Variants in LYPLAL1 observed in about 807,000 individuals in gnomAD.
The protein encoded by LYPLAL1 is lysophospholipase like 1, also known as lysophospholipase-like protein 1.
A neutral mutation model predicts 19.7 loss-of-function variants in LYPLAL1; 23 were observed. That is an observed-to-expected ratio of 1.17 (90% CI 0.84 to 1.65). The LOEUF is 1.65. Among genes scored for constraint, LYPLAL1 ranks in the 40% most tolerant of loss-of-function variants. The probability of loss-of-function intolerance (pLI) is 0.00; values close to 1 mark genes in which losing one functional copy is unlikely to be tolerated. For missense variants in LYPLAL1, 355 were observed against 279.4 expected, an observed-to-expected ratio of 1.27 and a Z score of -1.93; for synonymous variants, 119 against 96.3, an observed-to-expected ratio of 1.24 and a Z score of -1.38.
At chr1:219,241,141 T>TAC in the LYPLAL1 span, among the ~76,000 whole-genome samples, 36 of 122,724 alleles carry the variant, frequency 2.9e-4, no homozygotes, top group Admixed American at 5.9e-4. Context: ...TCTCTATATA[T>TAC]ATATATATAT....
At chr1:219,253,338 GTTC>G in the LYPLAL1 span, among the ~76,000 whole-genome samples, 1 of 151,174 alleles carries the variant, frequency 6.6e-6, no homozygotes, top group African/African-American at 2.4e-5. Flanking sequence ...GGGTTGATTT[GTTC>G]TTCTCTAATT....
chr1:219,284,473 T>C, the LYPLAL1 span, among the ~76,000 whole-genome samples: 2 of 152,146 alleles, frequency 1.3e-5, no homozygotes, highest in African/African-American at 2.4e-5. Flanking sequence ...TGTATCAAAA[T>C]ATTTCATGTA....
intron 3 of LYPLAL1, among the ~76,000 whole-genome samples, chr1:219,195,098 C>T (rs1452136780): frequency 1.3e-5 from 2 of 152,008 alleles, no homozygotes; most frequent in Non-Finnish European, 2.9e-5. Flanking sequence ...ATTTTTGCTA[C>T]CTAATCTGTA....
the LYPLAL1 span, among the ~76,000 whole-genome samples, chr1:219,276,508 T>C: frequency 6.6e-6 from 1 of 152,240 alleles, no homozygotes; most frequent in Non-Finnish European, 1.5e-5. Context: ...AGAGGGTAAA[T>C]TGAGCAAAAA....
At chr1:219,311,734 T>G in the LYPLAL1 span, among the ~76,000 whole-genome samples, 1 of 152,128 alleles carries the variant, frequency 6.6e-6, no homozygotes, top group African/African-American at 2.4e-5. Flanking sequence ...ATATTAATGG[T>G]GAGAATTTGA....
chr1:219,402,090 A>G, the LYPLAL1 span, among the ~76,000 whole-genome samples: 2 of 152,226 alleles, frequency 1.3e-5, no homozygotes, highest in Admixed American at 1.3e-4. Context: ...AAAAGCTGGC[A>G]ATAAAAAGCT....
At chr1:219,305,188 G>A in the LYPLAL1 span, among the ~76,000 whole-genome samples, 2 of 152,128 alleles carry the variant, frequency 1.3e-5, no homozygotes, top group African/African-American at 4.8e-5. Flanking sequence ...AAAGGTACAA[G>A]CCTTATAAGG....
rs567450154 is a variant in LYPLAL1 at position 219,178,604 on chromosome 1, A to G, written c.92-543A>G. Among the ~76,000 whole-genome samples, 396 of 152,264 alleles carry G rather than the reference A, an allele frequency of 2.6e-3. 1 individual carries two copies. The highest frequency in any genetic ancestry group is 4.7e-3 in the Non-Finnish European group (322 of 68,026). On this transcript the variant is annotated intron_variant, in intron 1 of 4. Transcript: ENST00000366928. The stretch of plus-strand genomic sequence containing the variant: ...ATTACTTACCAGCTTTGGAGTAGAT[A>G]ATTCTTCTTTTAGGTCATGTAAACA...
At chr1:219,404,807 G>A in the LYPLAL1 span, among the ~76,000 whole-genome samples, 1 of 152,212 alleles carries the variant, frequency 6.6e-6, no homozygotes, top group Non-Finnish European at 1.5e-5. Context: ...CATGATAAGG[G>A]TTTGAGGTGA....
the LYPLAL1 span, among the ~76,000 whole-genome samples, chr1:219,283,185 C>T: frequency 6.6e-6 from 1 of 152,104 alleles, no homozygotes; most frequent in African/African-American, 2.4e-5. Context: ...ATATTTGGTG[C>T]TCTTATCCGG....
chr1:219,324,116 T>C, the LYPLAL1 span, among the ~76,000 whole-genome samples: 1 of 152,230 alleles, frequency 6.6e-6, no homozygotes, highest in Non-Finnish European at 1.5e-5. Flanking sequence ...TGTGCATTTA[T>C]TCTTTACCCT....
At chr1:219,437,982 G>T in the LYPLAL1 span, among the ~76,000 whole-genome samples, 2 of 151,968 alleles carry the variant, frequency 1.3e-5, no homozygotes, top group African/African-American at 2.4e-5. Context: ...GGCTAGGCTG[G>T]TCTCGAACTC....
At chr1:219,341,687 T>C in the LYPLAL1 span, among the ~76,000 whole-genome samples, 1 of 152,068 alleles carries the variant, frequency 6.6e-6, no homozygotes, top group Non-Finnish European at 1.5e-5. Context: ...ACACTTATCA[T>C]TTTTTTCTAG....
chr1:219,239,598 T>C, the LYPLAL1 span, among the ~76,000 whole-genome samples: 4 of 152,236 alleles, frequency 2.6e-5, no homozygotes, highest in Non-Finnish European at 5.9e-5. Context: ...CATATAATAG[T>C]TTAAACATAA....
At chr1:219,348,713 A>C in the LYPLAL1 span, among the ~76,000 whole-genome samples, 2 of 152,320 alleles carry the variant, frequency 1.3e-5, no homozygotes, top group Admixed American at 6.5e-5. Flanking sequence ...GAGAGTGTGC[A>C]TGAAGCTGTA....
At chr1:219,204,515 GT>G (rs1658384565) in intron 3 of LYPLAL1, among the ~76,000 whole-genome samples, 1 of 152,120 alleles carries the variant, frequency 6.6e-6, no homozygotes, top group Admixed American at 6.5e-5. Context: ...CTTGTGTATT[GT>G]TGTGCTTAGA....
chr1:219,205,371 A>AC (rs1553302368), intron 3 of LYPLAL1, among the ~76,000 whole-genome samples: 2 of 151,120 alleles, frequency 1.3e-5, no homozygotes, highest in South Asian at 2.1e-4. Flanking sequence ...CTCAAAAAAA[A>AC]AAAAAAACAA....
intron 3 of LYPLAL1, among the ~76,000 whole-genome samples, chr1:219,199,688 C>T (rs569650585): frequency 6.7e-6 from 1 of 150,266 alleles, no homozygotes; most frequent in East Asian, 2.0e-4. Context: ...GATCTTGGCT[C>T]ACTGCAAGCT....
At chr1:219,411,862 G>A in the LYPLAL1 span, 2 of 166,828 alleles carry the variant, frequency 1.2e-5, no homozygotes, top group Non-Finnish European at 2.5e-5. Context: ...CAGGGTCCGT[G>A]GCTTCATTCT....
Sources: gnomAD v4.1 joint callset for allele counts (sites outside exome capture counted in the v4.1 genomes callset) on GRCh38, gnomAD v4.1.1 for gene constraint, MANE v1.5 for transcripts, NCBI Gene and HGNC (gene_info 2026-07-23, HGNC 2026-07-21) for gene names.